LRMDA: variants seen among roughly 807,000 people sequenced by gnomAD.
LRMDA encodes the protein leucine rich melanocyte differentiation associated.
In LRMDA, 18 loss-of-function variants were observed where a neutral mutation model predicts 29.8. That is an observed-to-expected ratio of 0.60 (90% CI 0.42 to 0.90). The LOEUF (loss-of-function observed/expected upper bound fraction) is 0.90. Among genes scored for constraint, LRMDA ranks in the 40% least tolerant of loss-of-function variants. The pLI is 0.00. For missense variants in LRMDA, 273 were observed against 273.9 expected (o/e 1.00, Z 0.02); for synonymous variants, 125 against 109.4 (o/e 1.14, Z -0.89).
chr10:75,519,009 G>A (rs1186036223), intron 2 of LRMDA, among the ~76,000 whole-genome samples: 1 of 151,990 alleles, frequency 6.6e-6, no homozygotes, highest in African/African-American at 2.4e-5. Context: ...TGTAGTTGTG[G>A]GTTTTGAGTG....
chr10:75,787,728 T>C (rs1564567861), intron 2 of LRMDA, among the ~76,000 whole-genome samples: 2 of 152,190 alleles, frequency 1.3e-5, no homozygotes, highest in Admixed American at 1.3e-4. Flanking sequence ...AAGTAGTGTG[T>C]AATAGAAAAC....
At chr10:76,489,884 C>T (rs1280137391) in intron 6 of LRMDA, among the ~76,000 whole-genome samples, 1 of 151,856 alleles carries the variant, frequency 6.6e-6, no homozygotes, top group East Asian at 1.9e-4. Flanking sequence ...TCTCCTGCTG[C>T]CCTGTGAAGA....
chr10:75,587,813 T>C (rs1181956851), intron 2 of LRMDA, among the ~76,000 whole-genome samples: 1 of 152,204 alleles, frequency 6.6e-6, no homozygotes, highest in African/African-American at 2.4e-5. Context: ...AGAGTGCCTG[T>C]CGATCCCTGG....
intron 2 of LRMDA, among the ~76,000 whole-genome samples, chr10:75,718,800 A>G (rs914560523): frequency 1.2e-4 from 19 of 152,218 alleles, no homozygotes; most frequent in African/African-American, 4.1e-4. Context: ...GAGTTGTTGA[A>G]TATCACTTCC....
In LRMDA at chr10:76,136,844, G is replaced by A. The variant is rs577701166; in HGVS notation, c.516+78061G>A. On this transcript the variant is annotated intron_variant, in intron 5 of 6. Transcript: ENST00000611255. ...TATACCAGGCTGAGGAGGACCAAGC[G>A]TATCAATACCCCAAGGAAGCACGTC... is the stretch of plus-strand genomic sequence containing the variant. Among the ~76,000 whole-genome samples, 17 of 152,208 alleles carry A rather than the reference G, an allele frequency of 1.1e-4. No homozygotes were observed. In the South Asian group the frequency reaches 1.7e-3, roughly 15 times the overall value.
intron 6 of LRMDA, among the ~76,000 whole-genome samples, chr10:76,536,978 A>G (rs943987425): frequency 6.6e-6 from 1 of 152,220 alleles, no homozygotes; most frequent in Non-Finnish European, 1.5e-5. Context: ...TCTTTAAATA[A>G]GAGCTTTCTT....
chr10:75,801,125 G>A lies in LRMDA; in HGVS notation c.132-234883G>A, dbSNP rs376705775. ...GACCCTGACTTTTTAATGATGGACA[G>A]CTTATGAAATATTTGGTAGCTTTTT... On this transcript the variant is annotated intron_variant, in intron 2 of 6. Coordinates refer to ENST00000611255, the MANE Select transcript of LRMDA (RefSeq NM_001305581.2). Among the ~76,000 whole-genome samples the A allele has an allele frequency of 1.1e-3, 173 of 152,326 alleles. 5 individuals are homozygous for A. The South Asian group carries it at 0.031, about 28-fold the overall frequency.
chr10:76,183,082 C>G (rs11001672), intron 5 of LRMDA, among the ~76,000 whole-genome samples: 20,053 of 152,102 alleles, frequency 0.13, 2,173 homozygotes, highest in African/African-American at 0.3. Flanking sequence ...GAAGGAGTCC[C>G]CTCTCATTTT....
intron 5 of LRMDA, among the ~76,000 whole-genome samples, chr10:76,094,698 T>TA (rs1488629265): frequency 1.3e-5 from 2 of 152,172 alleles, no homozygotes; most frequent in Non-Finnish European, 2.9e-5. Context: ...TAAAGGAAAG[T>TA]AACATTCCCA....
chr10:75,596,429 G>A (rs1164519967), intron 2 of LRMDA, among the ~76,000 whole-genome samples: 1 of 152,070 alleles, frequency 6.6e-6, no homozygotes, highest in East Asian at 1.9e-4. Flanking sequence ...CTCATCCTTG[G>A]TCCATGTTTT....
intron 6 of LRMDA, among the ~76,000 whole-genome samples, chr10:76,411,066 CTGT>C (rs1349665117): frequency 6.6e-6 from 1 of 151,992 alleles, no homozygotes; most frequent in East Asian, 1.9e-4. Flanking sequence ...TGTCATTTAC[CTGT>C]TGTTGTTTTT....
At chr10:76,011,712 C>T (rs1483546941) in intron 2 of LRMDA, among the ~76,000 whole-genome samples, 2 of 152,212 alleles carry the variant, frequency 1.3e-5, no homozygotes, top group Non-Finnish European at 2.9e-5. Context: ...GATTTTAACA[C>T]CATGTGCCCT....
chr10:75,715,664 A>G (rs1235196571), intron 2 of LRMDA, among the ~76,000 whole-genome samples: 1 of 152,098 alleles, frequency 6.6e-6, no homozygotes, highest in Non-Finnish European at 1.5e-5. Flanking sequence ...TAGCCTATTT[A>G]ATTTTTTTTT....
chr10:75,893,292 T>C (rs1845525681), intron 2 of LRMDA, among the ~76,000 whole-genome samples: 1 of 152,160 alleles, frequency 6.6e-6, no homozygotes, highest in African/African-American at 2.4e-5. Context: ...TTGATCTCCA[T>C]CTGCCCTGAA....
chr10:76,106,900 CT>C (rs1211682421), intron 5 of LRMDA, among the ~76,000 whole-genome samples: 1 of 152,200 alleles, frequency 6.6e-6, no homozygotes, highest in Non-Finnish European at 1.5e-5. Flanking sequence ...CATGTCCATT[CT>C]TTTGCCAGAC....
intron 5 of LRMDA, among the ~76,000 whole-genome samples, chr10:76,090,615 G>T (rs1849215738): frequency 6.6e-6 from 1 of 152,136 alleles, no homozygotes; most frequent in Admixed American, 6.6e-5. Flanking sequence ...ATAGCCAAAA[G>T]GTGGAAACAA....
chr10:76,248,420 T>C (rs1321664902), intron 5 of LRMDA, among the ~76,000 whole-genome samples: 20 of 152,236 alleles, frequency 1.3e-4, no homozygotes, highest in African/African-American at 7.2e-5. Context: ...CCTCATCTTC[T>C]TCAAGAGCAA....
intron 2 of LRMDA, among the ~76,000 whole-genome samples, chr10:75,858,201 G>A (rs1037176245): frequency 6.6e-6 from 1 of 152,182 alleles, no homozygotes; most frequent in Non-Finnish European, 1.5e-5. Context: ...CTCAGTAGAA[G>A]CAGGTACCAC....
At chr10:75,769,192 TTGTA>T (rs1305677069) in intron 2 of LRMDA, among the ~76,000 whole-genome samples, 1 of 152,226 alleles carries the variant, frequency 6.6e-6, no homozygotes. Context: ...ATCACCATCT[TTGTA>T]TGTGCAGTCT....
Sources: allele counts gnomAD v4.1 joint callset (sites outside exome capture counted in the v4.1 genomes callset), GRCh38; gene constraint gnomAD v4.1.1; transcripts MANE v1.5; gene names NCBI Gene and HGNC (gene_info 2026-07-23, HGNC 2026-07-21).